Variants in ITGAV observed in about 807,000 individuals in gnomAD.
ITGAV encodes the protein integrin alpha-V.
Under a neutral mutation model 143.8 loss-of-function variants are expected in ITGAV, and 76 were observed. The ratio of observed to expected loss-of-function variants is 0.53; its 90% CI spans 0.44 to 0.64. The LOEUF (loss-of-function observed/expected upper bound fraction) is 0.64, where lower values mean the gene tolerates loss of function less well. ITGAV is among the 30% of genes least tolerant of loss of function. The probability of loss-of-function intolerance (pLI) is 0.00; values close to 1 mark genes in which losing one functional copy is unlikely to be tolerated. For synonymous variants in ITGAV, 453 were observed against 446.7 expected (o/e 1.01, Z -0.18); for missense variants, 1,193 against 1,274.7 (o/e 0.94, Z 0.98).
rs768900752 is a variant in ITGAV, at chr2:186,664,655, C to G, written c.2073+14C>G. 1 of 1,613,858 alleles carries G rather than the reference C, an allele frequency of 6.2e-7. No homozygotes were observed. Among genetic ancestry groups the G allele is most frequent in the Non-Finnish European group, 8.5e-7 (1 of 1,179,832 alleles). ...CGAAACAATGAAGTAAGCAGGCTGC[C>G]TCTTTAAAAATTGAAATGCACTCAC... On this transcript the variant is annotated intron_variant, in intron 20 of 29. Transcript: ENST00000261023.
Position 186,668,904 on chromosome 2 carries a change from A to G in ITGAV, c.2576A>G (p.Asn859Ser). ...PMNCTSDMEI[N>S]PLRIKISSLQ... is the part of the protein sequence containing the mutation. The stretch of plus-strand genomic sequence containing the variant: ...AACTGCACTTCAGATATGGAGATCA[A>G]CCCTTTGAGAATTAAGGTAATATGC... The change falls in exon 25 of 30, where the codon AAC becomes AGC. Residue 859 changes from asparagine (N) to serine (S), a missense_variant. By Grantham distance (46) the Asn-to-Ser change is conservative (BLOSUM62 1). Transcript: ENST00000261023. 1 of 1,608,600 alleles carries G rather than the reference A, an allele frequency of 6.2e-7. No homozygotes were observed. The highest frequency in any genetic ancestry group is 8.5e-7 in the Non-Finnish European group (1 of 1,177,906).
chr2:186,619,420 T>G (rs1431648169), intron 2 of ITGAV, among the ~76,000 whole-genome samples: 1 of 151,880 alleles, frequency 6.6e-6, no homozygotes. Context: ...AATGGGAAAA[T>G]AGAGATTTGT....
At chr2:186,628,503 C>T (rs889411007) in intron 4 of ITGAV, among the ~76,000 whole-genome samples, 1 of 151,996 alleles carries the variant, frequency 6.6e-6, no homozygotes, top group African/African-American at 2.4e-5. Context: ...GCATAAAAAA[C>T]AACCTCAAAC....
chr2:186,677,133 C>A (rs913199285), intron 29 of ITGAV, 64 bp from the exon 30 acceptor site: 4 of 1,450,850 alleles, frequency 2.8e-6, no homozygotes, highest in Non-Finnish European at 3.8e-6. Flanking sequence ...TATAGTCACC[C>A]AAAAAATACT....
At chr2:186,663,627 G>A in intron 18 of ITGAV, 141 bp from the exon 19 acceptor site, 1 of 581,474 alleles carries the variant, frequency 1.7e-6, no homozygotes, top group South Asian at 2.6e-5. Context: ...TTGCATTCAG[G>A]TATACAACAA....
At chr2:186,603,560 A>G (rs1350901293) in intron 2 of ITGAV, among the ~76,000 whole-genome samples, 1 of 152,208 alleles carries the variant, frequency 6.6e-6, no homozygotes, top group African/African-American at 2.4e-5. Context: ...AAAAGGCCCA[A>G]TTTTACCATA....
At chr2:186,598,248 G>A (rs1448120284) in intron 1 of ITGAV, among the ~76,000 whole-genome samples, 8 of 148,392 alleles carry the variant, frequency 5.4e-5, no homozygotes, top group Non-Finnish European at 1.2e-4. Context: ...TTTTAGACCC[G>A]TAGAAAAAAA....
rs748857716 is a variant in ITGAV, at chr2:186,672,274, A to G, written c.2706+2460A>G. ...CAGTACTTCATTTTTATGCCTGAAT[A>G]ATACTCCATTGTGTGGACATACCAC... On this transcript the variant is annotated intron_variant, in intron 26 of 29. Coordinates refer to ENST00000261023, the MANE Select transcript of ITGAV (RefSeq NM_002210.5). 1.1e-4 allele frequency among the ~76,000 whole-genome samples: 16 copies of G among 152,098 alleles called. 1 individual carries two copies. Among genetic ancestry groups the G allele is most frequent in the Non-Finnish European group, 2.2e-4 (15 of 68,022 alleles).
chr2:186,616,252 T>C (rs895684716), intron 2 of ITGAV, among the ~76,000 whole-genome samples: 1 of 151,350 alleles, frequency 6.6e-6, no homozygotes, highest in African/African-American at 2.4e-5. Flanking sequence ...TATTTGCAGC[T>C]CTGAGTCAAT....
rs139020798 is a variant in ITGAV, at chr2:186,621,838, G to T, written c.317-501G>T. On this transcript the variant is annotated intron_variant, in intron 2 of 29. Coordinates refer to ENST00000261023, the MANE Select transcript of ITGAV (RefSeq NM_002210.5). ...AATAAATGTTTGATTGTAGTGTGCC[G>T]TATTGAATTCTTTTTTCTACCAACC... Among the ~76,000 whole-genome samples, 7 of 152,196 alleles carry T rather than the reference G, an allele frequency of 4.6e-5. No homozygotes were observed. In the East Asian group the frequency reaches 1.4e-3, roughly 29 times the overall value.
At chr2:186,659,200 T>C in intron 18 of ITGAV, 25 bp downstream of exon 18, 1 of 1,409,172 alleles carries the variant, frequency 7.1e-7, no homozygotes, top group South Asian at 1.8e-5. Context: ...TTACCACTAA[T>C]GTGATATTTT....
intron 24 of ITGAV, among the ~76,000 whole-genome samples, chr2:186,668,192 A>ATG (rs1688955650): frequency 3.1e-4 from 3 of 9,810 alleles, no homozygotes; most frequent in Admixed American, 4.1e-3. Context: ...ATACATATAT[A>ATG]TATATATATA....
intron 24 of ITGAV, among the ~76,000 whole-genome samples, chr2:186,668,218 T>TATATATA (rs1688967896): frequency 1.9e-4 from 4 of 20,692 alleles, no homozygotes; most frequent in African/African-American, 5.2e-4. Flanking sequence ...ATATATATAT[T>TATATATA]TTTTTTTTTT....
At chr2:186,614,309 C>CTG (rs149267107) in intron 2 of ITGAV, among the ~76,000 whole-genome samples, 1 of 151,726 alleles carries the variant, frequency 6.6e-6, no homozygotes, top group East Asian at 1.9e-4. Context: ...TGTATATTCT[C>CTG]TGTGTGTGTG....
rs1377486903 is a variant in ITGAV, at chr2:186,678,208, A to T, written c.*916A>T. On this transcript the variant is annotated 3_prime_UTR_variant, in exon 30 of 30. Coordinates refer to ENST00000261023, the MANE Select transcript of ITGAV (RefSeq NM_002210.5). ...TTCTTTGAGATAGTTGCTTATGCAT[A>T]TAGTAAGTATTACATTCTTAGAGTA... 1 of 139,138 alleles carries T rather than the reference A, an allele frequency of 7.2e-6. No individual in the cohort carries two copies. The highest frequency in any genetic ancestry group is 1.6e-5 in the Non-Finnish European group (1 of 61,574). The allele number at this position is 139,138 out of a possible 1,614,324, so 8.6% of individuals were successfully genotyped here.
intron 19 of ITGAV, 57 bp from the exon 20 acceptor site, chr2:186,664,437 A>G (rs1688830429): frequency 6.5e-7 from 1 of 1,533,496 alleles, no homozygotes; most frequent in South Asian, 1.2e-5. Context: ...TTGAACAGTC[A>G]TACTTTCCCC....
rs201933397 is a variant in ITGAV, at chr2:186,638,441, C to T, written c.879C>T (p.Ser293=). The part of the protein sequence containing the change: ...VYIYDGKNMS[S]LYNFTGEQMA... The stretch of plus-strand genomic sequence containing the variant: ...TTTATGATGGGAAGAACATGTCCTC[C>T]TTATACAATTTTACTGGCGAGCAGG... Residue 293 remains serine (S), a synonymous_variant, in exon 10 of 30, where the codon TCC becomes TCT. Transcript: ENST00000261023. 6.2e-7 allele frequency: 1 copy of T among 1,611,386 alleles called. No homozygotes were observed. Among genetic ancestry groups the T allele is most frequent in the South Asian group, 1.1e-5 (1 of 90,974 alleles).
intron 2 of ITGAV, among the ~76,000 whole-genome samples, chr2:186,602,378 T>C (rs1435015515): frequency 6.6e-6 from 1 of 152,216 alleles, no homozygotes; most frequent in Non-Finnish European, 1.5e-5. Flanking sequence ...TCAGATGTCT[T>C]CTGCCGTAAA....
intron 12 of ITGAV, among the ~76,000 whole-genome samples, chr2:186,642,109 A>G (rs1688120387): frequency 6.6e-6 from 1 of 152,240 alleles, no homozygotes; most frequent in African/African-American, 2.4e-5. Flanking sequence ...TATTAAAAGT[A>G]TAAGCCTATT....
Sources: gnomAD v4.1 joint callset for allele counts (sites outside exome capture counted in the v4.1 genomes callset) on GRCh38, gnomAD v4.1.1 for gene constraint, MANE v1.5 for transcripts, NCBI Gene and HGNC (gene_info 2026-07-23, HGNC 2026-07-21) for gene names.